The following PUDP variants were observed in gnomAD, a reference collection of about 807,000 sequenced individuals.
PUDP encodes the protein pseudouridine-5'-phosphatase.
PUDP carries 8 observed loss-of-function variants against 9.4 expected under a neutral mutation model. The observed-to-expected ratio is 0.85, with a 90% CI of 0.50 to 1.53. The LOEUF is 1.53. Among genes scored for constraint, PUDP ranks in the 40% most tolerant of loss-of-function variants. The pLI is 0.00. For missense variants in PUDP, 188 were observed against 189.7 expected (o/e 0.99, Z 0.05); for synonymous variants, 99 against 80.7 (o/e 1.23, Z -1.22).
intron 3 of PUDP, among the ~76,000 whole-genome samples, chrX:7,068,701 G>C (rs991115098): frequency 6.2e-5 from 7 of 112,299 alleles, no homozygotes; most frequent in African/African-American, 2.3e-4. Flanking sequence ...AGGGTGCCTG[G>C]AGGGACAGGA....
chrX:6,913,674 T>C (rs1247042944), intron 3 of PUDP, among the ~76,000 whole-genome samples: 1 of 111,734 alleles, frequency 8.9e-6, no homozygotes, highest in Admixed American at 9.6e-5. Flanking sequence ...ATTCATCTAC[T>C]CTATCACAAA....
rs764168780 is a variant in PUDP at position 6,705,959 on chromosome X, A to T, written n.252+384T>A. Among the ~76,000 whole-genome samples the T allele has an allele frequency of 1.4e-4, 16 of 112,685 alleles. No individual in the cohort carries two copies. In the South Asian group the frequency reaches 5.1e-3, roughly 36 times the overall value. ...AAAATGTGGTGTATGTACACAATGG[A>T]ATATAATACAGCCTTAAAAGGGGAA... On this transcript the variant is annotated intron_variant and non_coding_transcript_variant, in intron 2 of 2. Transcript: ENST00000438499.
At chrX:7,032,366 C>T (rs1211196217) in intron 1 of PUDP, among the ~76,000 whole-genome samples, 2 of 111,539 alleles carry the variant, frequency 1.8e-5, no homozygotes, top group African/African-American at 3.3e-5. Flanking sequence ...TAGATATACA[C>T]CAAAGAGATA....
At chrX:6,851,648 C>T (rs1437970915) in intron 3 of PUDP, among the ~76,000 whole-genome samples, 1 of 111,937 alleles carries the variant, frequency 8.9e-6, no homozygotes, top group Non-Finnish European at 1.9e-5. Flanking sequence ...ATGATAAACT[C>T]TATCATACGT....
intron 3 of PUDP, among the ~76,000 whole-genome samples, chrX:6,808,155 C>T (rs961575145): frequency 9.0e-6 from 1 of 110,656 alleles, no homozygotes; most frequent in African/African-American, 3.3e-5. Flanking sequence ...TCCCAGCCTT[C>T]TTGTATTAAA....
At chrX:7,138,702 G>A (rs1384753338) in intron 1 of PUDP, among the ~76,000 whole-genome samples, 1 of 111,577 alleles carries the variant, frequency 9.0e-6, no homozygotes, top group African/African-American at 3.3e-5. Flanking sequence ...TGAAACATTA[G>A]AGATTTCTAA....
intron 3 of PUDP, among the ~76,000 whole-genome samples, chrX:6,826,403 C>G (rs903985313): frequency 2.7e-5 from 3 of 111,819 alleles, no homozygotes; most frequent in Non-Finnish European, 5.6e-5. Context: ...TTATCTTAGT[C>G]ATTCTCCAAA....
At chrX:6,933,374 A>AG (rs1240146918) in intron 3 of PUDP, among the ~76,000 whole-genome samples, 1 of 111,751 alleles carries the variant, frequency 8.9e-6, no homozygotes, top group Non-Finnish European at 1.9e-5. Flanking sequence ...CCAGGCAAAC[A>AG]GGTCTGGAGT....
At chrX:6,716,374 GA>G (rs1924600049) in intron 1 of PUDP, among the ~76,000 whole-genome samples, 1 of 111,850 alleles carries the variant, frequency 8.9e-6, no homozygotes. Flanking sequence ...ATTCATGGTA[GA>G]CAGCAGCGTG....
intron 3 of PUDP, among the ~76,000 whole-genome samples, chrX:6,840,012 G>C (rs1240904643): frequency 2.7e-5 from 3 of 110,857 alleles, no homozygotes; most frequent in Non-Finnish European, 5.7e-5. Context: ...TGGTTTGGCT[G>C]TGTCCCCACC....
At chrX:6,879,809 C>A (rs1299898071) in intron 3 of PUDP, among the ~76,000 whole-genome samples, 1 of 111,394 alleles carries the variant, frequency 9.0e-6, no homozygotes, top group Non-Finnish European at 1.9e-5. Context: ...TGCACTGAAG[C>A]TAAGAGACCC....
chrX:6,753,478 G>C (rs1276377870), intron 3 of PUDP, among the ~76,000 whole-genome samples: 1 of 111,025 alleles, frequency 9.0e-6, no homozygotes, highest in Non-Finnish European at 1.9e-5. Context: ...TTTTCCTCTG[G>C]GTGGATAACC....
rs747189169 is a variant in PUDP, at chrX:7,055,249, C to CT, written c.511-4778dup. 5.8e-4 allele frequency among the ~76,000 whole-genome samples: 63 copies of CT among 109,500 alleles called. 1 individual carries two copies. The highest frequency in any genetic ancestry group is 2.3e-3 in the East Asian group (8 of 3,473). ...ATGTCCCAAAAGGTTTATTTATTTTCTTTTTTTTTTGTTGTTTTTTGAGAC... is the reference window on the plus strand; with the variant it reads ...ATGTCCCAAAAGGTTTATTTATTTTCTTTTTTTTTTTGTTGTTTTTTGAGAC... On this transcript the variant is annotated intron_variant, in intron 3 of 3. Transcript: ENST00000381077.
At chrX:6,735,772 T>C (rs112865724) in intron 3 of PUDP, among the ~76,000 whole-genome samples, 6,446 of 111,076 alleles carry the variant, frequency 0.058, 198 homozygotes, top group African/African-American at 0.11. Context: ...ACACACTTGA[T>C]GTGTACAGCT....
intron 3 of PUDP, among the ~76,000 whole-genome samples, chrX:6,910,020 G>GTGGA (rs1927825795): frequency 3.6e-5 from 4 of 112,203 alleles, no homozygotes; most frequent in African/African-American, 1.3e-4. Flanking sequence ...ATTTGGCCAT[G>GTGGA]TGGACTCAGT....
intron 3 of PUDP, among the ~76,000 whole-genome samples, chrX:7,074,651 A>C (rs980292037): frequency 2.4e-4 from 27 of 112,486 alleles, no homozygotes; most frequent in Admixed American, 2.1e-3. Flanking sequence ...ACTCAGGTTA[A>C]ACAACAACAA....
intron 3 of PUDP, among the ~76,000 whole-genome samples, chrX:6,869,296 G>A (rs926031599): frequency 1.7e-4 from 19 of 111,823 alleles, no homozygotes; most frequent in Non-Finnish European, 3.4e-4. Flanking sequence ...TGGGCACATT[G>A]GGCAGTTTGT....
chrX:7,003,734 G>A (rs1423957605), intron 1 of PUDP, among the ~76,000 whole-genome samples: 2 of 111,883 alleles, frequency 1.8e-5, no homozygotes, highest in South Asian at 7.5e-4. Flanking sequence ...GGGGGACAGC[G>A]TTGTGGTTGG....
intron 3 of PUDP, among the ~76,000 whole-genome samples, chrX:6,753,387 G>A (rs1374967080): frequency 8.0e-5 from 9 of 112,405 alleles, no homozygotes; most frequent in Non-Finnish European, 1.7e-4. Context: ...GGGCATTTGA[G>A]TTGGTTCTAC....
Sources: allele counts gnomAD v4.1 joint callset (sites outside exome capture counted in the v4.1 genomes callset), GRCh38; gene constraint gnomAD v4.1.1; transcripts MANE v1.5; gene names NCBI Gene and HGNC (gene_info 2026-07-23, HGNC 2026-07-21).